MED23: variants seen among roughly 807,000 people sequenced by gnomAD.
MED23 encodes mediator of RNA polymerase II transcription subunit 23.
In MED23, 105 loss-of-function variants were observed where a neutral mutation model predicts 163.9. The observed-to-expected ratio is 0.64, with a 90% CI of 0.55 to 0.75. The LOEUF is 0.75. Ranked by LOEUF, MED23 falls within the 30% of genes least tolerant of loss-of-function variation. The pLI is 0.00. For synonymous variants in MED23, 561 were observed against 565.6 expected, an observed-to-expected ratio of 0.99 and a Z score of 0.12; for missense variants, 1,054 against 1,649.0, an observed-to-expected ratio of 0.64 and a Z score of 6.25.
intron 7 of MED23, 118 bp from the exon 8 acceptor site, chr6:131,620,014 T>A: frequency 2.8e-6 from 2 of 720,620 alleles, no homozygotes; most frequent in East Asian, 2.8e-5. Context: ...AGATTGCACA[T>A]GATAACTGTT....
chr6:131,588,098 G>A (rs1473024654), intron 28 of MED23, among the ~76,000 whole-genome samples: 1 of 152,088 alleles, frequency 6.6e-6, no homozygotes, highest in East Asian at 1.9e-4. Flanking sequence ...TGTACCATAT[G>A]TATATTCATA....
chr6:131,579,940 C>T (rs954911752), intron 30 of MED23, among the ~76,000 whole-genome samples: 2 of 152,032 alleles, frequency 1.3e-5, no homozygotes, highest in Admixed American at 1.3e-4. Flanking sequence ...ATGGGATGTG[C>T]ATAAGCATCA....
intron 17 of MED23, among the ~76,000 whole-genome samples, chr6:131,601,713 A>G (rs944829337): frequency 6.6e-6 from 1 of 152,228 alleles, no homozygotes; most frequent in Non-Finnish European, 1.5e-5. Context: ...TACACCAGAT[A>G]TTAGAGAAGC....
intron 5 of MED23, 35 bp from the exon 6 acceptor site, chr6:131,622,014 G>T (rs764955741): frequency 4.1e-6 from 6 of 1,473,344 alleles, no homozygotes; most frequent in Non-Finnish European, 5.7e-6. Context: ...TTAAAATTAA[G>T]TAGTGTCTAC....
At chr6:131,613,884 C>A (rs923862409) in intron 10 of MED23, among the ~76,000 whole-genome samples, 3 of 151,962 alleles carry the variant, frequency 2.0e-5, no homozygotes, top group African/African-American at 7.3e-5. Flanking sequence ...CTGCCCGCCC[C>A]CAAGAGAAAA....
chr6:131,624,990 C>T lies in MED23; in HGVS notation c.160-1G>A. 6.2e-7 allele frequency: 1 copy of T among 1,613,406 alleles called. No individual in the cohort carries two copies. Among genetic ancestry groups the T allele is most frequent in the Non-Finnish European group, 8.5e-7 (1 of 1,179,874 alleles). On this transcript the variant is annotated splice_acceptor_variant, in intron 3 of 28. Coordinates refer to ENST00000368068, the MANE Select transcript of MED23 (RefSeq NM_004830.4). LOFTEE classifies it high-confidence loss of function. ...ACTGGATACACTGTTCATGAGACTC[C>T]TGGAAAATGAGAGAATGATTTTACT...
chr6:131,627,926 T>C (rs1777636005), intron 1 of MED23, 85 bp downstream of exon 1: 3 of 1,549,806 alleles, frequency 1.9e-6, no homozygotes. Context: ...GAGAGGAGGT[T>C]GCCCAGGCCA....
intron 17 of MED23, among the ~76,000 whole-genome samples, chr6:131,601,633 CACTT>C (rs573509065): frequency 1.1e-3 from 166 of 152,262 alleles, no homozygotes; most frequent in African/African-American, 3.9e-3. Context: ...CCACATTTTT[CACTT>C]ACTTCAACTA....
In MED23 at chr6:131,594,244, C is replaced by T. The variant is rs535835226; in HGVS notation, c.3087G>A (p.Ala1029=). 6.8e-6 allele frequency: 11 copies of T among 1,613,988 alleles called. No homozygotes were observed. The highest frequency in any genetic ancestry group is 3.3e-5 in the Admixed American group (2 of 59,998). The change falls in exon 23 of 29, where the codon GCG becomes GCA. Residue 1029 remains alanine (A), a synonymous_variant. Coordinates refer to ENST00000368068, the MANE Select transcript of MED23 (RefSeq NM_004830.4). ...RAFLKRKLVH[A]IIGSLKDNRP... Reference sequence around the variant, plus strand: ...GATTATCCTTCAGAGAGCCAATGATCGCATGGACGAGTTTTCGTTTGAGAA... The same window carrying T: ...GATTATCCTTCAGAGAGCCAATGATTGCATGGACGAGTTTTCGTTTGAGAA...
At chr6:131,620,292 C>T (rs1431257986) in intron 7 of MED23, among the ~76,000 whole-genome samples, 1 of 151,856 alleles carries the variant, frequency 6.6e-6, no homozygotes, top group Non-Finnish European at 1.5e-5. Flanking sequence ...ATAAAATACC[C>T]TTTTTTGTGT....
chr6:131,596,713 T>C (rs775003405), intron 20 of MED23, 25 bp from the exon 21 acceptor site: 6 of 1,609,882 alleles, frequency 3.7e-6, no homozygotes, highest in South Asian at 2.2e-5. Context: ...AGAAAAATTA[T>C]ATGAAAATGT....
intron 7 of MED23, 31 bp downstream of exon 7, chr6:131,620,597 T>G: frequency 6.5e-7 from 1 of 1,532,938 alleles, no homozygotes. Context: ...CCGAAAATTT[T>G]TATTAAAAAT....
Position 131,600,178 on chromosome 6 carries a change from T to C in MED23, c.2096-16A>G. 6.3e-7 allele frequency: 1 copy of C among 1,588,630 alleles called. No homozygotes were observed. Among genetic ancestry groups the C allele is most frequent in the Non-Finnish European group, 8.6e-7 (1 of 1,157,354 alleles). On this transcript the variant is annotated splice_polypyrimidine_tract_variant and intron_variant, in intron 17 of 28. Transcript: ENST00000368068. ...GTAAAAAAATCTAAACATAAACAAATAGATGTAATCCAGATATAAATGATT... is the reference window on the plus strand; with the variant it reads ...GTAAAAAAATCTAAACATAAACAAACAGATGTAATCCAGATATAAATGATT...
intron 9 of MED23, among the ~76,000 whole-genome samples, chr6:131,617,382 C>G (rs1010444968): frequency 6.7e-6 from 1 of 149,568 alleles, no homozygotes; most frequent in East Asian, 1.9e-4. Context: ...CTTCATATAC[C>G]GATTTTTAAG....
intron 11 of MED23, 56 bp downstream of exon 11, chr6:131,609,990 C>T: frequency 6.5e-7 from 1 of 1,535,250 alleles, no homozygotes; most frequent in African/African-American, 1.4e-5. Context: ...CCACAGCAGT[C>T]TAAAATACAG....
At chr6:131,596,754 G>A (rs2114621955) in intron 20 of MED23, 66 bp from the exon 21 acceptor site, 7 of 1,437,074 alleles carry the variant, frequency 4.9e-6, no homozygotes, top group African/African-American at 1.4e-5. Context: ...AGGGCCATCT[G>A]AAAGCCTAGA....
rs1775023962 is a variant in MED23 at position 131,596,122 on chromosome 6, C to T, written c.2820G>A (p.Gln940=). 6.2e-7 allele frequency: 1 copy of T among 1,614,164 alleles called. No homozygotes were observed. Among genetic ancestry groups the T allele is most frequent in the Non-Finnish European group, 8.5e-7 (1 of 1,180,014 alleles). Residue 940 remains glutamine, a synonymous_variant, in exon 22 of 29, where the codon CAG becomes CAA. Transcript: ENST00000368068. ...EKLYFEGLAE[Q]VDPPVQIQSP... is the part of the protein sequence containing the mutation. ...ACTGGATCTGTACAGGAGGATCCAC[C>T]TGTTCCGCGAGGCCCTCAAAATACA...
intron 20 of MED23, among the ~76,000 whole-genome samples, chr6:131,597,813 C>A (rs1392576039): frequency 6.6e-6 from 1 of 152,150 alleles, no homozygotes; most frequent in Non-Finnish European, 1.5e-5. Flanking sequence ...GGGCTGGAAG[C>A]AGTAGCTCAC....
intron 6 of MED23, 125 bp downstream of exon 6, chr6:131,621,756 T>A (rs1288504705): frequency 7.2e-6 from 4 of 556,118 alleles, no homozygotes; most frequent in Non-Finnish European, 1.3e-5. Flanking sequence ...AAAATAGAAG[T>A]GATTTTTTTT....
Sources: gnomAD v4.1 joint callset for allele counts (sites outside exome capture counted in the v4.1 genomes callset) on GRCh38, gnomAD v4.1.1 for gene constraint, MANE v1.5 for transcripts, NCBI Gene and HGNC (gene_info 2026-07-23, HGNC 2026-07-21) for gene names.